Variants in JARID2 observed in about 807,000 individuals in gnomAD.
JARID2 encodes protein Jumonji.
In JARID2, 21 loss-of-function variants were observed where a neutral mutation model predicts 125.6. The ratio of observed to expected loss-of-function variants is 0.17; its 90% CI spans 0.12 to 0.24. The LOEUF (loss-of-function observed/expected upper bound fraction) is 0.24, where lower values mean the gene tolerates loss of function less well. Among genes scored for constraint, JARID2 ranks in the 10% least tolerant of loss-of-function variants. The pLI is 1.00. For synonymous variants in JARID2, 736 were observed against 661.6 expected, an observed-to-expected ratio of 1.11 and a Z score of -1.73; for missense variants, 1,303 against 1,639.6, an observed-to-expected ratio of 0.79 and a Z score of 3.55.
intron 3 of JARID2, among the ~76,000 whole-genome samples, chr6:15,428,958 CTA>C (rs1179317265): frequency 2.2e-5 from 3 of 135,778 alleles, no homozygotes; most frequent in Non-Finnish European, 4.7e-5. Flanking sequence ...AAAAAAACTT[CTA>C]GAGTATAGTC....
chr6:15,416,681 AGAGAGGGAGAGGGAGACCGTGGG>A (rs937630129), intron 3 of JARID2, among the ~76,000 whole-genome samples: 3 of 128,762 alleles, frequency 2.3e-5, no homozygotes, highest in Admixed American at 1.6e-4. Flanking sequence ...GACCGTGGAA[AGAGAGGGAGAGGGAGACCGTGGG>A]GAGAGGGAGA....
chr6:15,419,203 G>A (rs1365924234), intron 3 of JARID2, among the ~76,000 whole-genome samples: 1 of 152,088 alleles, frequency 6.6e-6, no homozygotes, highest in East Asian at 1.9e-4. Context: ...CACTGATCAG[G>A]TTATTTGGAG....
intron 1 of JARID2, among the ~76,000 whole-genome samples, chr6:15,348,082 T>C (rs1479550367): frequency 6.7e-6 from 1 of 150,322 alleles, no homozygotes; most frequent in African/African-American, 2.4e-5. Flanking sequence ...TAATTATTAT[T>C]ATTTTTGTTT....
chr6:15,290,719 T>C (rs1156458368), intron 1 of JARID2, among the ~76,000 whole-genome samples: 4 of 152,150 alleles, frequency 2.6e-5, no homozygotes, highest in East Asian at 3.9e-4. Context: ...CCCGGGTTCA[T>C]GCCATTCTCC....
intron 2 of JARID2, among the ~76,000 whole-genome samples, chr6:15,397,647 A>G (rs1467563015): frequency 6.6e-6 from 1 of 152,222 alleles, no homozygotes. Flanking sequence ...GTGACATGTT[A>G]TAGAAGGTCT....
chr6:15,246,573 C>A lies in JARID2; in HGVS notation c.34C>A (p.Gln12Lys). 1 of 1,613,208 alleles carries A rather than the reference C, an allele frequency of 6.2e-7. No individual in the cohort carries two copies. The highest frequency in any genetic ancestry group is 8.5e-7 in the Non-Finnish European group (1 of 1,179,212). ...SKERPKRNII[Q>K]KKYDDSDGIP... ...GGAAAGACCCAAGAGGAATATCATT[C>A]AGAAGAAATACGTAAGTGCTCCTAA... Residue 12 changes from glutamine to lysine, a missense_variant, in exon 1 of 18, where the codon CAG becomes AAG. Gln to Lys is a moderately conservative substitution (Grantham distance 53, BLOSUM62 1). This residue lies in a region of JARID2 where 93 missense variants were observed against 120.4 expected (regional missense o/e 0.77). Coordinates refer to ENST00000341776, the MANE Select transcript of JARID2 (RefSeq NM_004973.4).
intron 4 of JARID2, 57 bp from the exon 5 acceptor site, chr6:15,468,485 C>G: frequency 1.4e-6 from 2 of 1,442,608 alleles, no homozygotes; most frequent in Non-Finnish European, 1.9e-6. Context: ...GGTGTTCCTT[C>G]TGGAAAGGGT....
At chr6:15,257,193 T>C (rs1759698733) in intron 1 of JARID2, among the ~76,000 whole-genome samples, 1 of 152,208 alleles carries the variant, frequency 6.6e-6, no homozygotes, top group Non-Finnish European at 1.5e-5. Flanking sequence ...ACTGCAGTAA[T>C]TGATTCATTT....
chr6:15,261,166 T>C (rs1244574894), intron 1 of JARID2, among the ~76,000 whole-genome samples: 2 of 152,074 alleles, frequency 1.3e-5, no homozygotes, highest in Non-Finnish European at 2.9e-5. Context: ...GTAAGAAGAG[T>C]CCTATTACTA....
At chr6:15,487,595 C>T (rs967275849) in intron 6 of JARID2, 53 bp downstream of exon 6, 5 of 1,419,894 alleles carry the variant, frequency 3.5e-6, no homozygotes, top group Non-Finnish European at 4.8e-6. Flanking sequence ...TTTCCCACTT[C>T]ACTTCACCAA....
chr6:15,314,103 A>C (rs966034004), intron 1 of JARID2, among the ~76,000 whole-genome samples: 14 of 152,130 alleles, frequency 9.2e-5, no homozygotes, highest in Admixed American at 2.6e-4. Context: ...GATAAGGTCA[A>C]AGGGACGGGC....
rs1394550939 is a variant in JARID2 at position 15,513,339 on chromosome 6, A to G, written c.3367A>G (p.Lys1123Glu). ...HDGSSTVADG[K>E]KKPRKWLQLE... ...TGGCAGCAGCACGGTGGCGGACGGG[A>G]AGAAAAAGCCTCGAAAGTGGCTGCA... Residue 1123 changes from lysine to glutamate, a missense_variant, in exon 16 of 18, where the codon AAG (lysine) becomes GAG (glutamate). Transcript: ENST00000341776. 1 of 1,613,136 alleles carries G rather than the reference A, an allele frequency of 6.2e-7. No homozygotes were observed.
intron 2 of JARID2, among the ~76,000 whole-genome samples, chr6:15,390,839 A>T (rs956993387): frequency 2.6e-5 from 4 of 152,202 alleles, no homozygotes; most frequent in African/African-American, 9.6e-5. Flanking sequence ...TCACACTGTC[A>T]TCCCTGTAAG....
intron 1 of JARID2, among the ~76,000 whole-genome samples, chr6:15,337,625 A>AG (rs982425109): frequency 2.4e-4 from 37 of 152,240 alleles, no homozygotes; most frequent in Non-Finnish European, 4.0e-4. Context: ...CATAAGGATT[A>AG]GGGGGGGTCC....
intron 2 of JARID2, among the ~76,000 whole-genome samples, chr6:15,374,569 G>A (rs907592815): frequency 2.0e-5 from 3 of 152,184 alleles, no homozygotes; most frequent in Non-Finnish European, 4.4e-5. Flanking sequence ...GCTGAAATGT[G>A]GAGTCTTTAG....
chr6:15,413,008 G>GTTTTTTTTGTTTTTT (rs1765959457), intron 3 of JARID2, among the ~76,000 whole-genome samples: 1 of 47,474 alleles, frequency 2.1e-5, no homozygotes, highest in Non-Finnish European at 3.7e-5. Context: ...TTGTGTTTTT[G>GTTTTTTTTGTTTTTT]TTTTTTTTTT....
chr6:15,256,325 T>C (rs1019501496), intron 1 of JARID2, among the ~76,000 whole-genome samples: 6 of 152,180 alleles, frequency 3.9e-5, no homozygotes, highest in Admixed American at 3.3e-4. Context: ...TGTAATCACC[T>C]TCTACCTCTG....
intron 1 of JARID2, among the ~76,000 whole-genome samples, chr6:15,341,129 A>G (rs1763057102): frequency 6.6e-6 from 1 of 152,222 alleles, no homozygotes; most frequent in Admixed American, 6.5e-5. Context: ...ACTGTTACAT[A>G]AAATTTTTTG....
intron 1 of JARID2, among the ~76,000 whole-genome samples, chr6:15,270,409 G>A (rs1021735781): frequency 6.6e-6 from 1 of 152,202 alleles, no homozygotes; most frequent in Non-Finnish European, 1.5e-5. Flanking sequence ...TGGGATTACA[G>A]GCACGAGCCA....
Sources: gnomAD v4.1 joint callset for allele counts (sites outside exome capture counted in the v4.1 genomes callset) on GRCh38, gnomAD v4.1.1 for gene constraint, gnomAD v4.1.1 regional missense constraint, MANE v1.5 for transcripts, NCBI Gene and HGNC (gene_info 2026-07-23, HGNC 2026-07-21) for gene names.